Variants in DGKI observed in about 807,000 individuals in gnomAD.
The protein encoded by DGKI is DAG kinase iota.
Under a neutral mutation model 147.5 loss-of-function variants are expected in DGKI, and 55 were observed. That is an observed-to-expected ratio of 0.37 (90% confidence interval 0.30 to 0.47). The LOEUF is 0.47. Among genes scored for constraint, DGKI ranks in the 20% least tolerant of loss-of-function variants. The probability of loss-of-function intolerance (pLI) is 1.00; values close to 1 mark genes in which losing one functional copy is unlikely to be tolerated. For missense variants in DGKI, 1,007 were observed against 1,323.8 expected, an observed-to-expected ratio of 0.76 and a Z score of 3.71; for synonymous variants, 469 against 477.1, an observed-to-expected ratio of 0.98 and a Z score of 0.22.
At chr7:137,522,105 T>A (rs1173681462) in intron 20 of DGKI, 139 bp from the exon 21 acceptor site, 4 of 603,438 alleles carry the variant, frequency 6.6e-6, no homozygotes, top group Non-Finnish European at 1.1e-5. Context: ...GTGGGTTCCT[T>A]ATCAGAATTG....
chr7:137,724,378 G>A (rs1317048341), intron 1 of DGKI, among the ~76,000 whole-genome samples: 1 of 152,188 alleles, frequency 6.6e-6, no homozygotes, highest in Non-Finnish European at 1.5e-5. Flanking sequence ...ACATTCGCTG[G>A]TATGTGGAGA....
intron 26 of DGKI, among the ~76,000 whole-genome samples, chr7:137,464,720 CA>C (rs1273984036): frequency 6.6e-6 from 1 of 151,756 alleles, no homozygotes; most frequent in Non-Finnish European, 1.5e-5. Context: ...AGCAGTGAAC[CA>C]AAAAAAGTGA....
intron 28 of DGKI, among the ~76,000 whole-genome samples, chr7:137,428,212 T>C (rs946116837): frequency 1.3e-5 from 2 of 150,598 alleles, no homozygotes; most frequent in Non-Finnish European, 3.0e-5. Context: ...CATGATCAAG[T>C]GGGCTTCATC....
chr7:137,764,726 T>C (rs753088224), intron 1 of DGKI, among the ~76,000 whole-genome samples: 1 of 152,212 alleles, frequency 6.6e-6, no homozygotes, highest in East Asian at 1.9e-4. Context: ...TCACTCTGAA[T>C]GTCCTGGTTT....
intron 6 of DGKI, among the ~76,000 whole-genome samples, chr7:137,642,115 T>C (rs560992504): frequency 5.6e-4 from 85 of 152,338 alleles, no homozygotes; most frequent in African/African-American, 2.0e-3. Flanking sequence ...CAATATGTGC[T>C]AGATCAATTC....
At chr7:137,693,951 G>A (rs1332507404) in intron 1 of DGKI, among the ~76,000 whole-genome samples, 1 of 152,208 alleles carries the variant, frequency 6.6e-6, no homozygotes, top group East Asian at 1.9e-4. Flanking sequence ...TTCGTAAAGG[G>A]CATATGATAG....
At chr7:137,576,706 GTGGGA>G (rs1482821312) in intron 17 of DGKI, among the ~76,000 whole-genome samples, 1 of 152,148 alleles carries the variant, frequency 6.6e-6, no homozygotes, top group Non-Finnish European at 1.5e-5. Flanking sequence ...CCTTGACCAG[GTGGGA>G]GAGTGAGTCA....
chr7:137,846,515 T>C lies in DGKI; in HGVS notation c.348A>G (p.Glu116=). Residue 116 remains glutamate, a synonymous_variant, in exon 1 of 33, where the codon GAA becomes GAG. Coordinates refer to ENST00000614521, the MANE Select transcript of DGKI (RefSeq NM_001321708.2). This position sits in a 1 kb window ranked among gnomAD's most constrained non-coding sequence, Gnocchi z 4.0. The part of the protein sequence containing the change: ...PAAAGQKEKD[E]ALEEKLRNLT... ...AGTTCCTCAGCTTCTCCTCCAGCGC[T>C]TCGTCCTTCTCCTTCTGGCCGGCGG... 1 of 1,582,354 alleles carries C rather than the reference T, an allele frequency of 6.3e-7. No individual in the cohort carries two copies. Among genetic ancestry groups the C allele is most frequent in the East Asian group, 2.4e-5 (1 of 42,244 alleles).
chr7:137,439,718 T>C (rs73459194), intron 28 of DGKI, among the ~76,000 whole-genome samples: 13,736 of 152,218 alleles, frequency 0.09, 1,754 homozygotes, highest in African/African-American at 0.28. Flanking sequence ...ACACTAGTGA[T>C]TGTGGTTGTG....
At chr7:137,552,014 G>A (rs1818061299) in intron 20 of DGKI, among the ~76,000 whole-genome samples, 1 of 152,158 alleles carries the variant, frequency 6.6e-6, no homozygotes, top group South Asian at 2.1e-4. Flanking sequence ...GGCTAACTAT[G>A]TGCTTCCCTA....
At chr7:137,494,130 TGAA>T (rs1412726641) in intron 21 of DGKI, among the ~76,000 whole-genome samples, 1 of 150,406 alleles carries the variant, frequency 6.6e-6, no homozygotes, top group South Asian at 2.1e-4. Flanking sequence ...CAAAAAAAAA[TGAA>T]GAAGAATGAA....
At chr7:137,621,735 C>T (rs897333214) in intron 7 of DGKI, among the ~76,000 whole-genome samples, 2 of 152,200 alleles carry the variant, frequency 1.3e-5, no homozygotes, top group African/African-American at 4.8e-5. Flanking sequence ...AGTTGGACTA[C>T]AGATTAATAG....
intron 6 of DGKI, among the ~76,000 whole-genome samples, chr7:137,627,287 C>G (rs1376783321): frequency 6.6e-6 from 1 of 152,144 alleles, no homozygotes; most frequent in Non-Finnish European, 1.5e-5. Context: ...AAATAGCTGC[C>G]CTATGTGGCT....
At chr7:137,531,298 A>T (rs1817329779) in intron 20 of DGKI, among the ~76,000 whole-genome samples, 1 of 152,208 alleles carries the variant, frequency 6.6e-6, no homozygotes, top group South Asian at 2.1e-4. Context: ...CATCAGGCCA[A>T]AATCATTTCC....
At chr7:137,485,002 G>A (rs956435270) in intron 23 of DGKI, among the ~76,000 whole-genome samples, 3 of 152,038 alleles carry the variant, frequency 2.0e-5, no homozygotes, top group Admixed American at 1.3e-4. Context: ...CAGGAAAGTG[G>A]AGTGTGAGCC....
chr7:137,765,290 T>A (rs1293635090), intron 1 of DGKI, among the ~76,000 whole-genome samples: 1 of 152,236 alleles, frequency 6.6e-6, no homozygotes, highest in African/African-American at 2.4e-5. Context: ...CCATTATGTA[T>A]CGTTGATTTT....
intron 5 of DGKI, among the ~76,000 whole-genome samples, chr7:137,653,399 G>A (rs1822106792): frequency 6.6e-6 from 1 of 152,228 alleles, no homozygotes; most frequent in East Asian, 1.9e-4. Flanking sequence ...TTGGCTTAAA[G>A]TAGTTTAATG....
intron 12 of DGKI, among the ~76,000 whole-genome samples, chr7:137,592,057 GTGTCTT>G (rs1819636583): frequency 6.6e-6 from 1 of 152,186 alleles, no homozygotes; most frequent in Non-Finnish European, 1.5e-5. Flanking sequence ...GAAACAATCT[GTGTCTT>G]TGTCCTTAGA....
chr7:137,539,592 C>T (rs551014096), intron 20 of DGKI, among the ~76,000 whole-genome samples: 8 of 151,990 alleles, frequency 5.3e-5, no homozygotes, highest in South Asian at 4.1e-4. Flanking sequence ...ATAAAACTAA[C>T]GTTGTAACCA....
Sources: gnomAD v4.1 joint callset for allele counts (sites outside exome capture counted in the v4.1 genomes callset) on GRCh38, gnomAD v4.1.1 for gene constraint, Gnocchi (gnomAD v3.1) non-coding constraint, MANE v1.5 for transcripts, NCBI Gene and HGNC (gene_info 2026-07-23, HGNC 2026-07-21) for gene names.